Variants in SRD5A1 observed in about 807,000 individuals in gnomAD.
SRD5A1 encodes 3-oxo-5-alpha-steroid 4-dehydrogenase 1.
SRD5A1 carries 22 observed loss-of-function variants against 28.2 expected under a neutral mutation model. That is an observed-to-expected ratio of 0.78 (90% CI 0.56 to 1.12). SRD5A1 has a LOEUF of 1.12. SRD5A1 is among the 50% of genes most tolerant of loss of function. The probability of loss-of-function intolerance (pLI) is 0.00; values close to 1 mark genes in which losing one functional copy is unlikely to be tolerated. For missense variants in SRD5A1, 300 were observed against 346.7 expected, an observed-to-expected ratio of 0.87 and a Z score of 1.07; for synonymous variants, 151 against 135.0, an observed-to-expected ratio of 1.12 and a Z score of -0.82.
chr5:6,633,743 G>T lies in SRD5A1; in HGVS notation c.167G>T (p.Trp56Leu). The change falls in exon 1 of 5, where the codon TGG (tryptophan) becomes TTG (leucine). Residue 56 changes from tryptophan (W) to leucine (L), a missense_variant. Physicochemically the swap from Trp to Leu is moderately conservative, Grantham distance 61 (BLOSUM62 -2). Around this residue, in one of 2 missense-constraint regions of SRD5A1, gnomAD observed 174 missense variants for 160.9 expected, o/e 1.08. Transcript: ENST00000274192. ...HRLRVPARAA[W>L]VVQELPSLAL... ...CTCCGAGTGCCGGCGCGGGCCGCCT[G>T]GGTGGTGCAGGAGCTGCCCTCGCTG... 6.3e-7 allele frequency: 1 copy of T among 1,596,032 alleles called. No individual in the cohort carries two copies. The highest frequency in any genetic ancestry group is 8.5e-7 in the Non-Finnish European group (1 of 1,178,870).
intron 1 of SRD5A1, among the ~76,000 whole-genome samples, chr5:6,642,234 G>A (rs950647618): frequency 2.6e-5 from 4 of 152,004 alleles, no homozygotes; most frequent in African/African-American, 9.7e-5. Flanking sequence ...GATCTGTCAT[G>A]AGATTTTACG....
Position 6,668,350 on chromosome 5 carries a change from T to A in SRD5A1, c.*82T>A. On this transcript the variant is annotated 3_prime_UTR_variant, in exon 5 of 5. Transcript: ENST00000274192. ...GGACTTTGTAAATAAGTTATATCTT[T>A]GTAATTTTCCTGCTACTTTATCATT... 1.1e-6 allele frequency: 1 copy of A among 881,474 alleles called. No individual in the cohort carries two copies. 54.6% of individuals were successfully genotyped at this position (881,474 alleles called of 1,614,324 possible). A position where few individuals can be genotyped will look rare whatever the true frequency, so the allele number is the denominator to read the frequency against.
chr5:6,644,643 C>T (rs1738455024), intron 1 of SRD5A1, among the ~76,000 whole-genome samples: 2 of 152,102 alleles, frequency 1.3e-5, no homozygotes, highest in African/African-American at 4.8e-5. Flanking sequence ...TAATTCTGTC[C>T]ATCCGGGTCT....
At position 6,642,119 on chromosome 5, in the gene SRD5A1, A is replaced by C. The variant is rs145362783; in HGVS notation, c.293+8250A>C. ...TTTTTTGTAATATATGTCTAATGAG[A>C]AGAATAGAATTCTTTTCTTGGTGAG... is the stretch of plus-strand genomic sequence containing the variant. On this transcript the variant is annotated intron_variant, in intron 1 of 4. Transcript: ENST00000274192. Among the ~76,000 whole-genome samples the C allele has an allele frequency of 1.3e-3, 192 of 152,324 alleles. No individual in the cohort carries two copies. In the Middle Eastern group the frequency reaches 0.014, roughly 11 times the overall value.
intron 2 of SRD5A1, among the ~76,000 whole-genome samples, chr5:6,654,062 T>TA (rs1491485218): frequency 5.3e-4 from 49 of 91,888 alleles, no homozygotes; most frequent in African/African-American, 2.4e-3. Context: ...TAATAATATA[T>TA]TTTTTTTTTT....
intron 4 of SRD5A1, among the ~76,000 whole-genome samples, chr5:6,663,825 A>C (rs958576447): frequency 1.3e-5 from 2 of 152,040 alleles, no homozygotes; most frequent in Non-Finnish European, 2.9e-5. Flanking sequence ...GCACCACTGC[A>C]CTCCAGCCTG....
intron 4 of SRD5A1, among the ~76,000 whole-genome samples, chr5:6,667,920 A>G (rs1266065090): frequency 6.6e-6 from 1 of 152,234 alleles, no homozygotes; most frequent in African/African-American, 2.4e-5. Flanking sequence ...CAGCTCCGCA[A>G]TGTGCTGATC....
At chr5:6,651,421 A>C (rs1254522731) in intron 1 of SRD5A1, among the ~76,000 whole-genome samples, 1 of 152,204 alleles carries the variant, frequency 6.6e-6, no homozygotes, top group Non-Finnish European at 1.5e-5. Flanking sequence ...ATTTTGGGAC[A>C]ACAAGGCAGG....
At chr5:6,659,213 A>T (rs1167298704) in intron 3 of SRD5A1, among the ~76,000 whole-genome samples, 1 of 150,824 alleles carries the variant, frequency 6.6e-6, no homozygotes, top group Non-Finnish European at 1.5e-5. Context: ...TCTCGGGTTC[A>T]CGCCATTCTC....
intron 4 of SRD5A1, among the ~76,000 whole-genome samples, chr5:6,663,174 A>G (rs1232324500): frequency 2.0e-5 from 3 of 152,218 alleles, no homozygotes; most frequent in Non-Finnish European, 4.4e-5. Flanking sequence ...TGTTCTCTAT[A>G]CCACGTCCTT....
At position 6,672,027 on chromosome 5, in the gene SRD5A1, G is replaced by A. The variant is rs1739376157; in HGVS notation, c.*3759G>A. 6.6e-6 allele frequency: 1 copy of A among 152,182 alleles called. No homozygotes were observed. 9.4% of individuals were successfully genotyped at this position (152,182 alleles called of 1,614,324 possible). A position where few individuals can be genotyped will look rare whatever the true frequency, so the allele number is the denominator to read the frequency against. On this transcript the variant is annotated 3_prime_UTR_variant, in exon 5 of 5. Coordinates refer to ENST00000274192, the MANE Select transcript of SRD5A1 (RefSeq NM_001047.4). ...CTTAGGGAAGAAAATAATTGATGTT[G>A]TGAGTTGGGCGGGACTTTAGGGACT...
intron 1 of SRD5A1, among the ~76,000 whole-genome samples, chr5:6,649,823 C>T (rs954138924): frequency 6.6e-6 from 1 of 152,174 alleles, no homozygotes; most frequent in Non-Finnish European, 1.5e-5. Context: ...ATGCAGGAAT[C>T]ACCCACCTTC....
chr5:6,656,329 G>T (rs890166287), intron 3 of SRD5A1, 150 bp downstream of exon 3: 6 of 676,698 alleles, frequency 8.9e-6, no homozygotes, highest in Non-Finnish European at 1.5e-5. Flanking sequence ...AAGTGCTATT[G>T]TTATTGTCTT....
intron 1 of SRD5A1, among the ~76,000 whole-genome samples, chr5:6,648,050 A>G (rs1482552699): frequency 6.6e-6 from 1 of 152,178 alleles, no homozygotes; most frequent in African/African-American, 2.4e-5. Context: ...TGGATATGAA[A>G]TTCCAGATAT....
Position 6,673,614 on chromosome 5 carries a change from A to C in SRD5A1, c.*5346A>C, listed in dbSNP as rs1000850972. On this transcript the variant is annotated 3_prime_UTR_variant, in exon 5 of 5. Transcript: ENST00000274192. ...CCAAAGGAGTTGAAAACATGTCCACACAGAAAACCTGCACATGAATGTTTA... is the reference window on the plus strand; with the variant it reads ...CCAAAGGAGTTGAAAACATGTCCACCCAGAAAACCTGCACATGAATGTTTA... The C allele has an allele frequency of 1.3e-5, 2 of 152,244 alleles. No individual in the cohort carries two copies. Among genetic ancestry groups the C allele is most frequent in the South Asian group, 4.1e-4 (2 of 4,830 alleles). The allele number at this position is 152,244 out of a possible 1,614,324, so 9.4% of individuals were successfully genotyped here.
At chr5:6,651,731 T>A (rs1738676154) in intron 1 of SRD5A1, 111 bp from the exon 2 acceptor site, 6 of 993,724 alleles carry the variant, frequency 6.0e-6, no homozygotes, top group Non-Finnish European at 8.8e-6. Context: ...TTACTGAGGA[T>A]GACATTTGTA....
chr5:6,652,119 A>G, intron 2 of SRD5A1, 111 bp downstream of exon 2: 3 of 1,278,716 alleles, frequency 2.3e-6, no homozygotes, highest in Non-Finnish European at 3.2e-6. Context: ...CAAAGACAAC[A>G]GAGAAAGCAG....
At position 6,666,106 on chromosome 5, in the gene SRD5A1, C is replaced by T. The variant is rs566252315; in HGVS notation, c.714-2096C>T. Among the ~76,000 whole-genome samples the T allele has an allele frequency of 6.0e-5, 9 of 151,146 alleles. No individual in the cohort carries two copies. In the East Asian group the frequency reaches 1.7e-3, roughly 29 times the overall value. ...ATTAAGCCATCAAATAAAAGTATTC[C>T]AAAAGAAAACATGCCAAGGATCTAT... On this transcript the variant is annotated intron_variant, in intron 4 of 4. Transcript: ENST00000274192.
chr5:6,647,299 A>G (rs1183595413), intron 1 of SRD5A1, among the ~76,000 whole-genome samples: 5 of 152,096 alleles, frequency 3.3e-5, no homozygotes, highest in Admixed American at 6.6e-5. Context: ...GGTCCACTTG[A>G]TCCAGAGCTG....
Sources: gnomAD v4.1 joint callset for allele counts (sites outside exome capture counted in the v4.1 genomes callset) on GRCh38, gnomAD v4.1.1 for gene constraint, gnomAD v4.1.1 regional missense constraint, MANE v1.5 for transcripts, NCBI Gene and HGNC (gene_info 2026-07-23, HGNC 2026-07-21) for gene names.